Variants in RANBP2 observed in about 807,000 individuals in gnomAD.
RANBP2 encodes the protein E3 SUMO-protein ligase RanBP2.
Under a neutral mutation model 303.6 loss-of-function variants are expected in RANBP2, and 57 were observed. That is an observed-to-expected ratio of 0.19 (90% CI 0.15 to 0.23). RANBP2 has a LOEUF of 0.23. RANBP2 is among the 10% of genes least tolerant of loss of function. The pLI is 1.00. For missense variants in RANBP2, 3,138 were observed against 3,780.8 expected, an observed-to-expected ratio of 0.83 and a Z score of 4.46; for synonymous variants, 1,167 against 1,301.5, an observed-to-expected ratio of 0.90 and a Z score of 2.23.
At chr2:109,489,475 C>T in the RANBP2 span, among the ~76,000 whole-genome samples, 1 of 152,212 alleles carries the variant, frequency 6.6e-6, no homozygotes, top group East Asian at 1.9e-4. Flanking sequence ...TGTCACCTGT[C>T]CTACAAAGTC....
At chr2:109,633,288 G>A in the RANBP2 span, among the ~76,000 whole-genome samples, 2 of 152,136 alleles carry the variant, frequency 1.3e-5, no homozygotes, top group East Asian at 3.8e-4. Context: ...AGCTACTCGG[G>A]AGGCTGAGGC....
At chr2:108,892,367 C>T in the RANBP2 span, among the ~76,000 whole-genome samples, 15 of 152,204 alleles carry the variant, frequency 9.9e-5, no homozygotes, top group African/African-American at 3.4e-4. Context: ...GCAGCACTCA[C>T]TTCCTGGCAT....
chr2:109,525,340 A>G, the RANBP2 span, among the ~76,000 whole-genome samples: 1 of 151,836 alleles, frequency 6.6e-6, no homozygotes, highest in East Asian at 1.9e-4. Context: ...GAATTTTTAC[A>G]AGAAATAGAG....
chr2:109,492,763 T>C, the RANBP2 span, among the ~76,000 whole-genome samples: 4 of 152,028 alleles, frequency 2.6e-5, no homozygotes, highest in African/African-American at 9.7e-5. Flanking sequence ...CTCTGTAGGG[T>C]GCGCAGTCAG....
chr2:109,064,885 T>C, the RANBP2 span, among the ~76,000 whole-genome samples: 1 of 152,188 alleles, frequency 6.6e-6, no homozygotes, highest in Non-Finnish European at 1.5e-5. Context: ...CAAGATGCTT[T>C]AGAAATTATG....
At chr2:109,714,113 C>G in the RANBP2 span, among the ~76,000 whole-genome samples, 1 of 152,090 alleles carries the variant, frequency 6.6e-6, no homozygotes, top group African/African-American at 2.4e-5. Flanking sequence ...TAGGGTCTTG[C>G]TCTGTCACCC....
At chr2:109,576,498 TAAC>T in the RANBP2 span, among the ~76,000 whole-genome samples, 3 of 152,204 alleles carry the variant, frequency 2.0e-5, no homozygotes, top group Non-Finnish European at 4.4e-5. Flanking sequence ...GTGATTATTA[TAAC>T]AACAGTTAAG....
chr2:109,316,730 T>C, the RANBP2 span, among the ~76,000 whole-genome samples: 4 of 152,208 alleles, frequency 2.6e-5, no homozygotes, highest in Non-Finnish European at 4.4e-5. Context: ...AAATCTATAA[T>C]GCGATGTATC....
chr2:109,500,665 C>T, the RANBP2 span, among the ~76,000 whole-genome samples: 8 of 152,122 alleles, frequency 5.3e-5, no homozygotes, highest in African/African-American at 1.9e-4. Context: ...AAAATAAGGA[C>T]AGGTTAGGCA....
At chr2:108,852,325 A>G in the RANBP2 span, among the ~76,000 whole-genome samples, 7 of 152,200 alleles carry the variant, frequency 4.6e-5, no homozygotes, top group East Asian at 1.9e-4. Flanking sequence ...TAGTTCAGCC[A>G]TTGTGGAAGA....
At position 108,719,637 on chromosome 2, in the gene RANBP2, T is replaced by C. The variant is rs1428427352; in HGVS notation, c.31T>C (p.Tyr11His). Residue 11 changes from tyrosine (Y) to histidine (H), a missense_variant, in exon 1 of 29, where the codon TAC becomes CAC. This residue lies in a region of RANBP2 where 306 missense variants were observed against 381.9 expected (regional missense o/e 0.80). Transcript: ENST00000283195. Reference protein sequence around the residue: MRRSKADVERYIASVQGSTPS... With the variant: MRRSKADVERHIASVQGSTPS... ...GCGCAGCAAGGCTGACGTGGAGCGG[T>C]ACATCGCCTCGGTGCAGGGCTCCAC... is the stretch of plus-strand genomic sequence containing the variant. The C allele has an allele frequency of 6.2e-7, 1 of 1,608,242 alleles. No homozygotes were observed. The highest frequency in any genetic ancestry group is 1.1e-5 in the South Asian group (1 of 90,146).
At chr2:109,327,058 G>GT in the RANBP2 span, among the ~76,000 whole-genome samples, 1 of 152,156 alleles carries the variant, frequency 6.6e-6, no homozygotes, top group African/African-American at 2.4e-5. Flanking sequence ...TAAATGGAAG[G>GT]TTTTTAAAAA....
chr2:109,050,868 C>T, the RANBP2 span, among the ~76,000 whole-genome samples: 3 of 152,066 alleles, frequency 2.0e-5, no homozygotes, highest in East Asian at 5.8e-4. Context: ...GTATAGTGTA[C>T]TATGTATTTA....
chr2:108,909,228 A>G, the RANBP2 span, among the ~76,000 whole-genome samples: 1 of 152,192 alleles, frequency 6.6e-6, no homozygotes, highest in Non-Finnish European at 1.5e-5. Context: ...TTCTGGGAAT[A>G]AGAAAAGCCT....
the RANBP2 span, among the ~76,000 whole-genome samples, chr2:109,507,110 GC>G: frequency 6.6e-6 from 1 of 152,162 alleles, no homozygotes; most frequent in Non-Finnish European, 1.5e-5. Context: ...TGGGCAAAAC[GC>G]TAGCAGGGAG....
At chr2:109,249,532 T>TTTTTCTTTCTTTCCTTCCTTCC in the RANBP2 span, among the ~76,000 whole-genome samples, 6 of 96,450 alleles carry the variant, frequency 6.2e-5, no homozygotes, top group African/African-American at 9.2e-5. Flanking sequence ...TCTTTCTTTC[T>TTTTTCTTTCTTTCCTTCCTTCC]TTCCTTCCTT....
At chr2:108,837,053 C>T in the RANBP2 span, among the ~76,000 whole-genome samples, 5 of 151,748 alleles carry the variant, frequency 3.3e-5, no homozygotes, top group African/African-American at 1.2e-4. Context: ...ATTTCTTTTT[C>T]TTGCCCAGTT....
chr2:109,169,778 C>A, the RANBP2 span, among the ~76,000 whole-genome samples: 12 of 151,712 alleles, frequency 7.9e-5, no homozygotes, highest in Middle Eastern at 3.2e-3. Flanking sequence ...ACACATGACC[C>A]CCCAAAATCA....
the RANBP2 span, among the ~76,000 whole-genome samples, chr2:109,278,342 G>A: frequency 6.6e-6 from 1 of 152,200 alleles, no homozygotes; most frequent in African/African-American, 2.4e-5. Context: ...AATGGGGGTG[G>A]GCCCAGGGGC....
Sources: gnomAD v4.1 joint callset for allele counts (sites outside exome capture counted in the v4.1 genomes callset) on GRCh38, gnomAD v4.1.1 for gene constraint, gnomAD v4.1.1 regional missense constraint, MANE v1.5 for transcripts, NCBI Gene and HGNC (gene_info 2026-07-23, HGNC 2026-07-21) for gene names.